The following FHIT variants were observed in gnomAD, a reference collection of about 807,000 sequenced individuals.
FHIT encodes fragile histidine triad diadenosine triphosphatase.
A neutral mutation model predicts 17.9 loss-of-function variants in FHIT; 19 were observed. The ratio of observed to expected loss-of-function variants is 1.06; its 90% confidence interval spans 0.74 to 1.56. The LOEUF (loss-of-function observed/expected upper bound fraction) is 1.56. Among genes scored for constraint, FHIT ranks in the 40% most tolerant of loss-of-function variants. FHIT has a pLI of 0.00. For missense variants in FHIT, 248 were observed against 189.2 expected, an observed-to-expected ratio of 1.31 and a Z score of -1.82; for synonymous variants, 81 against 69.7, an observed-to-expected ratio of 1.16 and a Z score of -0.81.
At chr3:60,678,263 A>T (rs2040667774) in intron 4 of FHIT, among the ~76,000 whole-genome samples, 1 of 152,332 alleles carries the variant, frequency 6.6e-6, no homozygotes, top group Non-Finnish European at 1.5e-5. Context: ...AACCAGATAC[A>T]AATTCACCAT....
At chr3:60,127,076 T>C (rs1029301844) in intron 5 of FHIT, among the ~76,000 whole-genome samples, 1 of 152,164 alleles carries the variant, frequency 6.6e-6, no homozygotes, top group African/African-American at 2.4e-5. Context: ...TGAGATCAGG[T>C]ACCTTATCAC....
At chr3:61,025,861 G>A (rs1217661162) in intron 3 of FHIT, among the ~76,000 whole-genome samples, 1 of 152,132 alleles carries the variant, frequency 6.6e-6, no homozygotes, top group Non-Finnish European at 1.5e-5. Context: ...ATAGCTAAGG[G>A]CTGCTGTTCT....
Position 59,761,643 on chromosome 3 carries a change from G to A in FHIT, c.349-9322C>T, listed in dbSNP as rs139567723. ...TTTTTTCGAGATGGAGTCTTGCTCT[G>A]TTGCCCAGGCTGGAGTGCAGTGGCA... On this transcript the variant is annotated intron_variant, in intron 8 of 9. Transcript: ENST00000492590. Among the ~76,000 whole-genome samples the A allele has an allele frequency of 3.7e-3, 560 of 151,076 alleles. 2 individuals are homozygous for A. The highest frequency in any genetic ancestry group is 6.5e-3 in the Non-Finnish European group (442 of 67,870).
intron 8 of FHIT, among the ~76,000 whole-genome samples, chr3:59,875,505 C>T (rs1041718161): frequency 1.3e-5 from 2 of 152,122 alleles, no homozygotes; most frequent in African/African-American, 2.4e-5. Flanking sequence ...GGGAAAATGT[C>T]CTGTGATTTG....
intron 7 of FHIT, among the ~76,000 whole-genome samples, chr3:60,005,932 GCTT>G (rs1446831581): frequency 1.3e-5 from 2 of 152,142 alleles, no homozygotes; most frequent in African/African-American, 4.8e-5. Flanking sequence ...CCCTACAAGT[GCTT>G]CTTATCACTC....
intron 8 of FHIT, 81 bp from the exon 9 acceptor site, chr3:59,752,402 C>A: frequency 1.8e-6 from 2 of 1,095,490 alleles, no homozygotes; most frequent in Non-Finnish European, 2.6e-6. Context: ...CTGGGGGAGA[C>A]TGAACAAAAT....
intron 5 of FHIT, among the ~76,000 whole-genome samples, chr3:60,195,537 G>C (rs1314330973): frequency 1.0e-4 from 4 of 39,238 alleles, no homozygotes; most frequent in Non-Finnish European, 1.4e-4. Context: ...AAGCGGATAA[G>C]GAAAATGTGA....
chr3:59,903,182 G>A (rs1704413529), intron 8 of FHIT, among the ~76,000 whole-genome samples: 1 of 152,136 alleles, frequency 6.6e-6, no homozygotes, highest in Admixed American at 6.5e-5. Context: ...AAAGACAGTG[G>A]CACACACCAC....
intron 5 of FHIT, among the ~76,000 whole-genome samples, chr3:60,091,601 T>C (rs1302975473): frequency 6.6e-6 from 1 of 152,168 alleles, no homozygotes; most frequent in Non-Finnish European, 1.5e-5. Context: ...CGTGGGATTG[T>C]AATCCTTAAT....
chr3:59,759,126 A>G (rs1365137232), intron 8 of FHIT, among the ~76,000 whole-genome samples: 1 of 151,970 alleles, frequency 6.6e-6, no homozygotes, highest in Admixed American at 6.6e-5. Context: ...GAATATTTCA[A>G]GCAGAAAGAA....
chr3:60,150,492 A>C (rs1015555502), intron 5 of FHIT, among the ~76,000 whole-genome samples: 2 of 152,154 alleles, frequency 1.3e-5, no homozygotes, highest in Non-Finnish European at 2.9e-5. Context: ...ACTTATGATT[A>C]TTATTTTTAT....
chr3:60,185,355 TTAA>T (rs756026075), intron 5 of FHIT, among the ~76,000 whole-genome samples: 1 of 152,172 alleles, frequency 6.6e-6, no homozygotes, highest in Non-Finnish European at 1.5e-5. Context: ...TACCAGAAAG[TTAA>T]TAAAGTTGCA....
intron 4 of FHIT, among the ~76,000 whole-genome samples, chr3:60,743,784 C>T (rs2042285579): frequency 6.6e-6 from 1 of 152,144 alleles, no homozygotes; most frequent in South Asian, 2.1e-4. Context: ...GGACACAGGT[C>T]CAGGGGACCA....
chr3:60,636,726 G>A (rs1458619765), intron 4 of FHIT, among the ~76,000 whole-genome samples: 3 of 152,100 alleles, frequency 2.0e-5, no homozygotes, highest in Non-Finnish European at 2.9e-5. Flanking sequence ...ACTGTCTTTT[G>A]GCTACTACAT....
chr3:61,187,049 C>T (rs28482301), intron 2 of FHIT, among the ~76,000 whole-genome samples: 1,822 of 152,198 alleles, frequency 0.012, 42 homozygotes, highest in African/African-American at 0.042. Context: ...ATAATCTGCC[C>T]GACCCATGTT....
chr3:60,319,740 AG>A (rs912131572), intron 5 of FHIT, among the ~76,000 whole-genome samples: 2 of 151,936 alleles, frequency 1.3e-5, no homozygotes, highest in Admixed American at 6.5e-5. Flanking sequence ...AGAGACACTG[AG>A]GGGGGCTGTT....
Position 59,856,375 on chromosome 3 carries a change from C to T in FHIT, c.348+65971G>A, listed in dbSNP as rs573825173. On this transcript the variant is annotated intron_variant, in intron 8 of 9. Transcript: ENST00000492590. ...GGTGATTTTACACGCAAATTTTTCC[C>T]AATGTTCAAGGAAGACATCATTCCA... 1.7e-4 allele frequency among the ~76,000 whole-genome samples: 26 copies of T among 152,198 alleles called. No individual in the cohort carries two copies. The South Asian group carries it at 5.2e-3, about 30-fold the overall frequency.
chr3:61,245,016 G>A (rs187364776), intron 1 of FHIT, among the ~76,000 whole-genome samples: 29 of 152,164 alleles, frequency 1.9e-4, no homozygotes, highest in African/African-American at 6.7e-4. Context: ...CCCATAATAC[G>A]CCAACTTTTA....
At chr3:60,598,204 G>C (rs2038331628) in intron 4 of FHIT, among the ~76,000 whole-genome samples, 1 of 152,078 alleles carries the variant, frequency 6.6e-6, no homozygotes, top group African/African-American at 2.4e-5. Flanking sequence ...AATTTAAAGA[G>C]AGGGCATTTT....
Sources: allele counts gnomAD v4.1 joint callset (sites outside exome capture counted in the v4.1 genomes callset), GRCh38; gene constraint gnomAD v4.1.1; transcripts MANE v1.5; gene names NCBI Gene and HGNC (gene_info 2026-07-23, HGNC 2026-07-21).